Variants in HACD1 observed in about 807,000 individuals in gnomAD.
HACD1 encodes the protein 3-hydroxyacyl-CoA dehydratase 1.
A neutral mutation model predicts 32.0 loss-of-function variants in HACD1; 41 were observed. The ratio of observed to expected loss-of-function variants is 1.28; its 90% CI spans 1.00 to 1.66. The LOEUF (loss-of-function observed/expected upper bound fraction) is 1.66, where lower values mean the gene tolerates loss of function less well. HACD1 is among the 40% of genes most tolerant of loss of function. HACD1 has a pLI of 0.00. For missense variants in HACD1, 396 were observed against 380.1 expected, an observed-to-expected ratio of 1.04 and a Z score of -0.35; for synonymous variants, 142 against 139.0, an observed-to-expected ratio of 1.02 and a Z score of -0.15.
At chr10:17,608,491 C>CCA (rs1364551592) in intron 1 of HACD1, among the ~76,000 whole-genome samples, 1 of 151,260 alleles carries the variant, frequency 6.6e-6, no homozygotes, top group Non-Finnish European at 1.5e-5. Context: ...TTCATATACT[C>CCA]CACACTTTGT....
intron 1 of HACD1, among the ~76,000 whole-genome samples, chr10:17,611,410 T>C (rs1834234410): frequency 6.6e-6 from 1 of 152,252 alleles, no homozygotes; most frequent in South Asian, 2.1e-4. Context: ...TCAGTTTAAA[T>C]GCTGTGATCT....
chr10:17,590,344 A>G lies in HACD1; in HGVS notation c.*20T>C, dbSNP rs782528358. On this transcript the variant is annotated 3_prime_UTR_variant, in exon 7 of 7. Coordinates refer to ENST00000361271, the MANE Select transcript of HACD1 (RefSeq NM_014241.4). ...TAATCTTGGTTATTCTGGAAAAAGC[A>G]CCTTGTTTGCAGAGATCATTTAATC... 9 of 1,520,200 alleles carry G rather than the reference A, an allele frequency of 5.9e-6. No homozygotes were observed. Among genetic ancestry groups the G allele is most frequent in the Non-Finnish European group, 8.0e-6 (9 of 1,120,472 alleles). 94.2% of individuals were successfully genotyped at this position (1,520,200 alleles called of 1,614,324 possible). A position where few individuals can be genotyped will look rare whatever the true frequency, so the allele number is the denominator to read the frequency against.
intron 4 of HACD1, among the ~76,000 whole-genome samples, chr10:17,599,639 CT>C (rs1219423272): frequency 9.2e-5 from 14 of 152,168 alleles, no homozygotes; most frequent in Non-Finnish European, 1.9e-4. Context: ...TTTTTCTTCC[CT>C]CGTCCTTCAC....
At chr10:17,604,574 G>A (rs946313279) in intron 1 of HACD1, among the ~76,000 whole-genome samples, 45 of 151,896 alleles carry the variant, frequency 3.0e-4, no homozygotes, top group African/African-American at 1.1e-3. Context: ...CATGCAACAC[G>A]GATAAACCTT....
intron 6 of HACD1, among the ~76,000 whole-genome samples, chr10:17,592,679 TG>T (rs1833944150): frequency 6.6e-6 from 1 of 152,174 alleles, no homozygotes; most frequent in South Asian, 2.1e-4. Flanking sequence ...AACCTGTAAC[TG>T]TCAGACAGAC....
Position 17,617,139 on chromosome 10 carries a change from G to A in HACD1, c.201C>T (p.Arg67=). The A allele has an allele frequency of 6.6e-7, 1 of 1,507,320 alleles. No individual in the cohort carries two copies. The highest frequency in any genetic ancestry group is 2.1e-5 in the Admixed American group (1 of 47,544). 93.4% of individuals were successfully genotyped at this position (1,507,320 alleles called of 1,614,324 possible). Residue 67 remains arginine, a synonymous_variant, in exon 1 of 7, where the codon CGC becomes CGT. Coordinates refer to ENST00000361271, the MANE Select transcript of HACD1 (RefSeq NM_014241.4). ...EDREAPGERR[R]LGVLATAWLT... is the part of the protein sequence containing the mutation. ...GCCAGGCGGTGGCCAAGACCCCCAG[G>A]CGCCTCCGCTCGCCGGGAGCCTCCC...
intron 1 of HACD1, among the ~76,000 whole-genome samples, chr10:17,611,482 C>T (rs1442579597): frequency 6.6e-6 from 1 of 152,240 alleles, no homozygotes; most frequent in Non-Finnish European, 1.5e-5. Flanking sequence ...CTGCTTAGCA[C>T]TTATCTCATT....
chr10:17,605,867 T>C (rs1554817004), intron 1 of HACD1, among the ~76,000 whole-genome samples: 3 of 151,986 alleles, frequency 2.0e-5, no homozygotes. Flanking sequence ...GGCAGGAGAA[T>C]TGTTTGAACC....
At chr10:17,594,096 T>C (rs1055404964) in intron 6 of HACD1, 109 bp downstream of exon 6, 77 of 1,039,686 alleles carry the variant, frequency 7.4e-5, no homozygotes, top group Admixed American at 1.8e-4. Context: ...GAAGTTTTAA[T>C]GTATTTGTAA....
At chr10:17,612,736 C>T (rs534649286) in intron 1 of HACD1, among the ~76,000 whole-genome samples, 139 of 151,934 alleles carry the variant, frequency 9.1e-4, no homozygotes, top group Middle Eastern at 3.4e-3. Flanking sequence ...CTGGCCAACA[C>T]GGTGAAATCC....
Position 17,617,109 on chromosome 10 carries a change from G to T in HACD1, c.231C>A (p.Thr77=). Reference sequence around the variant, plus strand: ...CCGCGGTCATGGCGATGTCGTAGAAGGTGAGCCAGGCGGTGGCCAAGACCC... The same window carrying T: ...CCGCGGTCATGGCGATGTCGTAGAATGTGAGCCAGGCGGTGGCCAAGACCC... ...RLGVLATAWL[T]FYDIAMTAGW... The change falls in exon 1 of 7, where the codon ACC becomes ACA. Residue 77 remains threonine, a synonymous_variant. Transcript: ENST00000361271. 6.7e-7 allele frequency: 1 copy of T among 1,501,242 alleles called. No homozygotes were observed. The highest frequency in any genetic ancestry group is 2.9e-5 in the East Asian group (1 of 34,858). The allele number at this position is 1,501,242 out of a possible 1,614,324, so 93.0% of individuals were successfully genotyped here. A position where few individuals can be genotyped will look rare whatever the true frequency, so the allele number is the denominator to read the frequency against.
chr10:17,606,484 C>A (rs1246802880), intron 1 of HACD1, among the ~76,000 whole-genome samples: 3 of 152,200 alleles, frequency 2.0e-5, no homozygotes, highest in East Asian at 3.8e-4. Context: ...CTACCCTAGT[C>A]TTTTAGATAG....
intron 5 of HACD1, among the ~76,000 whole-genome samples, chr10:17,594,772 A>C (rs1257150455): frequency 6.6e-6 from 1 of 152,050 alleles, no homozygotes; most frequent in African/African-American, 2.4e-5. Flanking sequence ...CCTGGGTTCA[A>C]GTAATTCTCC....
At chr10:17,591,494 G>A (rs1833927396) in intron 6 of HACD1, among the ~76,000 whole-genome samples, 1 of 151,912 alleles carries the variant, frequency 6.6e-6, no homozygotes, top group Non-Finnish European at 1.5e-5. Flanking sequence ...TGGGTGTAAG[G>A]GTATTTAATC....
In HACD1 at chr10:17,617,022, C is replaced by A. The variant is rs2131527756; in HGVS notation, c.257+61G>T. The A allele has an allele frequency of 3.0e-6, 4 of 1,345,824 alleles. No individual in the cohort carries two copies. The South Asian group carries it at 7.4e-5, about 25-fold the overall frequency. The allele number at this position is 1,345,824 out of a possible 1,614,324, so 83.4% of individuals were successfully genotyped here. On this transcript the variant is annotated intron_variant, in intron 1 of 6. Transcript: ENST00000361271. ...TACACCCCGGCCCGCGCCCCCTGAA[C>A]CCGGAACCTCCGCGGACCGCGGCGC...
intron 1 of HACD1, among the ~76,000 whole-genome samples, chr10:17,605,982 G>C (rs1473328901): frequency 6.6e-6 from 1 of 151,392 alleles, no homozygotes; most frequent in Non-Finnish European, 1.5e-5. Flanking sequence ...GAAAAAAACA[G>C]CCTGGGCAAC....
chr10:17,607,227 A>T (rs115708018), intron 1 of HACD1, among the ~76,000 whole-genome samples: 1 of 152,122 alleles, frequency 6.6e-6, no homozygotes, highest in Non-Finnish European at 1.5e-5. Flanking sequence ...GAGTAAGTTC[A>T]TGACTGAGTC....
chr10:17,600,009 A>C (rs1251709015), intron 4 of HACD1, among the ~76,000 whole-genome samples: 1 of 152,252 alleles, frequency 6.6e-6, no homozygotes, highest in Non-Finnish European at 1.5e-5. Context: ...TAAAAGGATG[A>C]GCCCTAATAC....
At chr10:17,610,632 C>CAA (rs67149491) in intron 1 of HACD1, among the ~76,000 whole-genome samples, 76 of 128,348 alleles carry the variant, frequency 5.9e-4, no homozygotes, top group East Asian at 2.0e-3. Context: ...GACTCTGTCT[C>CAA]AAAAAAAAAA....
Sources: allele counts gnomAD v4.1 joint callset (sites outside exome capture counted in the v4.1 genomes callset), GRCh38; gene constraint gnomAD v4.1.1; transcripts MANE v1.5; gene names NCBI Gene and HGNC (gene_info 2026-07-23, HGNC 2026-07-21).